The following MCC variants were observed in gnomAD, a reference collection of about 807,000 sequenced individuals.
MCC encodes colorectal mutant cancer protein.
Under a neutral mutation model 116.2 loss-of-function variants are expected in MCC, and 90 were observed. That is an observed-to-expected ratio of 0.77 (90% CI 0.65 to 0.92). The LOEUF (loss-of-function observed/expected upper bound fraction) is 0.92, where lower values mean the gene tolerates loss of function less well. MCC is among the 40% of genes least tolerant of loss of function. MCC has a pLI of 0.00. For synonymous variants in MCC, 578 were observed against 510.5 expected, an observed-to-expected ratio of 1.13 and a Z score of -1.78; for missense variants, 1,516 against 1,312.2, an observed-to-expected ratio of 1.16 and a Z score of -2.40.
At chr5:113,070,630 T>A (rs1227875324) in intron 12 of MCC, among the ~76,000 whole-genome samples, 1 of 152,192 alleles carries the variant, frequency 6.6e-6, no homozygotes, top group African/African-American at 2.4e-5. Context: ...ATTTTTAATA[T>A]CAAAAGTCTA....
intron 3 of MCC, among the ~76,000 whole-genome samples, chr5:113,158,418 C>A (rs1453561043): frequency 8.5e-5 from 13 of 152,242 alleles, no homozygotes; most frequent in Admixed American, 7.9e-4. Flanking sequence ...AGGTTCCGCA[C>A]TGCATGCTTC....
At chr5:113,285,423 G>A (rs1429766852) in intron 3 of MCC, among the ~76,000 whole-genome samples, 1 of 145,004 alleles carries the variant, frequency 6.9e-6, no homozygotes, top group South Asian at 2.1e-4. Context: ...TCTCCAGGGA[G>A]ATCCAGATAC....
intron 1 of MCC, among the ~76,000 whole-genome samples, chr5:113,455,178 C>A (rs894288224): frequency 3.3e-5 from 5 of 152,214 alleles, no homozygotes; most frequent in African/African-American, 1.2e-4. Context: ...TGGTCATCCT[C>A]AACTTGGCAG....
intron 2 of MCC, among the ~76,000 whole-genome samples, chr5:113,353,780 G>A (rs1010076989): frequency 9.2e-5 from 14 of 152,180 alleles, no homozygotes; most frequent in Non-Finnish European, 1.6e-4. Flanking sequence ...ATTTTTAGCT[G>A]ACCGTATGAA....
intron 11 of MCC, among the ~76,000 whole-genome samples, chr5:113,072,069 C>T (rs1754078983): frequency 6.6e-6 from 1 of 152,234 alleles, no homozygotes; most frequent in Non-Finnish European, 1.5e-5. Flanking sequence ...TCTCCGTTTT[C>T]CATCTCAGGG....
At chr5:113,412,957 C>A (rs545408308) in intron 1 of MCC, among the ~76,000 whole-genome samples, 1 of 152,044 alleles carries the variant, frequency 6.6e-6, no homozygotes, top group Non-Finnish European at 1.5e-5. Flanking sequence ...CAATACCTAG[C>A]TTATTGAGAG....
rs1241916901 is a variant in MCC, at chr5:113,434,961, C to G, written c.171-49749G>C. ...TTTGGGCTGGCCAGGCCTGCTGTTC[C>G]TGCCTCCTAGAGGCCAAGACTCTGG... On this transcript the variant is annotated intron_variant, in intron 1 of 18. Coordinates refer to ENST00000408903, the MANE Select transcript of MCC (RefSeq NM_001085377.2). The surrounding 1 kb of genome is among the most constrained non-coding windows in gnomAD (Gnocchi z 4.2). 4.7e-6 allele frequency: 6 copies of G among 1,271,484 alleles called. No individual in the cohort carries two copies. The highest frequency in any genetic ancestry group is 6.5e-6 in the Non-Finnish European group (6 of 928,426). The allele number at this position is 1,271,484 out of a possible 1,614,324, so 78.8% of individuals were successfully genotyped here.
chr5:113,443,562 T>G (rs1307580180), intron 1 of MCC, among the ~76,000 whole-genome samples: 1 of 152,172 alleles, frequency 6.6e-6, no homozygotes, highest in African/African-American at 2.4e-5. Flanking sequence ...GAGGGCATCC[T>G]TGTCTTATGC....
At chr5:113,461,136 C>T (rs866317547) in intron 1 of MCC, among the ~76,000 whole-genome samples, 2 of 152,116 alleles carry the variant, frequency 1.3e-5, no homozygotes, top group African/African-American at 4.8e-5. Context: ...TGGTGCACAC[C>T]TGCAGTCTCA....
intron 3 of MCC, among the ~76,000 whole-genome samples, chr5:113,333,836 T>TACATATATGTACATATGTAC (rs372077130): frequency 0.2 from 12,137 of 59,272 alleles, 2,409 homozygotes; most frequent in Non-Finnish European, 0.26. Flanking sequence ...TGTATATATG[T>TACATATATGTACATATGTAC]ATATATGTAT....
At chr5:113,392,638 G>A (rs986146053) in intron 1 of MCC, among the ~76,000 whole-genome samples, 1 of 152,198 alleles carries the variant, frequency 6.6e-6, no homozygotes, top group African/African-American at 2.4e-5. Context: ...GCAAAGAATT[G>A]AGAAGAGGTT....
At chr5:113,389,165 C>G (rs185614742) in intron 1 of MCC, among the ~76,000 whole-genome samples, 1 of 152,190 alleles carries the variant, frequency 6.6e-6, no homozygotes, top group East Asian at 1.9e-4. Context: ...TAAAAGCTCT[C>G]CTTTATATCA....
chr5:113,044,573 A>G, intron 16 of MCC: 1 of 699,286 alleles, frequency 1.4e-6, no homozygotes, highest in Non-Finnish European at 1.8e-6. Context: ...GTAAACAGAT[A>G]TTTTTTTGTT....
chr5:113,398,457 T>C (rs993409802), intron 1 of MCC, among the ~76,000 whole-genome samples: 3 of 152,088 alleles, frequency 2.0e-5, no homozygotes, highest in Non-Finnish European at 4.4e-5. Context: ...ATGGATTGGA[T>C]AAAGAAAATG....
At chr5:113,215,270 T>G (rs1316053429) in intron 3 of MCC, among the ~76,000 whole-genome samples, 1 of 152,194 alleles carries the variant, frequency 6.6e-6, no homozygotes, top group African/African-American at 2.4e-5. Context: ...CTACTAGACT[T>G]CAGACAACTT....
At chr5:113,061,332 G>A (rs1029907736) in intron 14 of MCC, among the ~76,000 whole-genome samples, 7 of 152,218 alleles carry the variant, frequency 4.6e-5, no homozygotes, top group African/African-American at 1.4e-4. Context: ...TGTGGATTGA[G>A]ATCGATGACT....
intron 1 of MCC, among the ~76,000 whole-genome samples, chr5:113,415,966 CT>C (rs35294416): frequency 6.6e-6 from 1 of 152,202 alleles, no homozygotes; most frequent in Admixed American, 6.5e-5. Flanking sequence ...TGAGGCTGTC[CT>C]TTTTGTTGAT....
chr5:113,226,339 A>T (rs1763737630), intron 3 of MCC, among the ~76,000 whole-genome samples: 1 of 152,250 alleles, frequency 6.6e-6, no homozygotes, highest in Non-Finnish European at 1.5e-5. Context: ...ATGTAACTGG[A>T]AAGGCAGGAG....
At chr5:113,433,545 G>T in intron 1 of MCC, 1 of 678,366 alleles carries the variant, frequency 1.5e-6, no homozygotes, top group Non-Finnish European at 2.5e-6. Flanking sequence ...CCTTGGATTT[G>T]ACTTTGGCCT....
Sources: allele counts gnomAD v4.1 joint callset (sites outside exome capture counted in the v4.1 genomes callset), GRCh38; gene constraint gnomAD v4.1.1; non-coding constraint Gnocchi (gnomAD v3.1); transcripts MANE v1.5; gene names NCBI Gene and HGNC (gene_info 2026-07-23, HGNC 2026-07-21).